Variants in NEIL3 observed in about 807,000 individuals in gnomAD.
NEIL3 encodes the protein endonuclease 8-like 3.
A neutral mutation model predicts 57.5 loss-of-function variants in NEIL3; 48 were observed. That is an observed-to-expected ratio of 0.83 (90% CI 0.66 to 1.06). The LOEUF (loss-of-function observed/expected upper bound fraction) is 1.06. NEIL3 is among the 50% of genes least tolerant of loss of function. NEIL3 has a pLI of 0.00. For missense variants in NEIL3, 717 were observed against 739.1 expected, an observed-to-expected ratio of 0.97 and a Z score of 0.35; for synonymous variants, 261 against 253.2, an observed-to-expected ratio of 1.03 and a Z score of -0.29.
Position 177,341,460 on chromosome 4 carries a change from T to A in NEIL3, c.703-16T>A. The A allele has an allele frequency of 6.0e-6, 1 of 165,598 alleles. No individual in the cohort carries two copies. The highest frequency in any genetic ancestry group is 1.3e-4 in the South Asian group (1 of 7,920). The allele number at this position is 165,598 out of a possible 1,614,324, so 10.3% of individuals were successfully genotyped here. A position where few individuals can be genotyped will look rare whatever the true frequency, so the allele number is the denominator to read the frequency against. ...TTTTGTGGATAACAGAATTTTTTGG[T>A]TTTTTTTTTTTTTAGTGCCGTAAAG... On this transcript the variant is annotated splice_polypyrimidine_tract_variant and intron_variant, in intron 5 of 9. Transcript: ENST00000264596.
chr4:177,337,356 C>G (rs1355111370), intron 4 of NEIL3, among the ~76,000 whole-genome samples: 1 of 151,902 alleles, frequency 6.6e-6, no homozygotes, highest in Non-Finnish European at 1.5e-5. Context: ...TACATAAACC[C>G]AGGTTATTTT....
intron 7 of NEIL3, 60 bp from the exon 8 acceptor site, chr4:177,353,248 C>A: frequency 1.5e-6 from 2 of 1,370,266 alleles, no homozygotes; most frequent in African/African-American, 1.5e-5. Flanking sequence ...AAAGATGTTT[C>A]ACATAATCAG....
chr4:177,335,364 T>A (rs1734953617), intron 2 of NEIL3, among the ~76,000 whole-genome samples: 1 of 152,180 alleles, frequency 6.6e-6, no homozygotes, highest in South Asian at 2.1e-4. Context: ...GACTGTTCCA[T>A]GAATAAAAGA....
chr4:177,354,473 C>G (rs1735432113), intron 8 of NEIL3, among the ~76,000 whole-genome samples: 1 of 152,102 alleles, frequency 6.6e-6, no homozygotes, highest in Non-Finnish European at 1.5e-5. Context: ...AAGGAGGGGT[C>G]TGAGGTGCCT....
At chr4:177,314,428 T>C (rs1049044050) in intron 1 of NEIL3, among the ~76,000 whole-genome samples, 4 of 152,230 alleles carry the variant, frequency 2.6e-5, no homozygotes, top group African/African-American at 4.8e-5. Context: ...TATTGTTGCA[T>C]CTTAGCTTAT....
chr4:177,342,242 T>C (rs1305303695), intron 6 of NEIL3, among the ~76,000 whole-genome samples: 1 of 152,204 alleles, frequency 6.6e-6, no homozygotes, highest in African/African-American at 2.4e-5. Flanking sequence ...CTGGAATTAG[T>C]GTCAGTTCAG....
intron 1 of NEIL3, among the ~76,000 whole-genome samples, chr4:177,314,540 C>G (rs1734537209): frequency 6.6e-6 from 1 of 152,118 alleles, no homozygotes; most frequent in Admixed American, 6.5e-5. Flanking sequence ...TCAGAGCTTT[C>G]TCACCAGACC....
At chr4:177,349,933 G>A (rs1735317145) in intron 6 of NEIL3, among the ~76,000 whole-genome samples, 1 of 152,196 alleles carries the variant, frequency 6.6e-6, no homozygotes, top group African/African-American at 2.4e-5. Flanking sequence ...GCATCATGCT[G>A]CCTTTCAAAG....
At chr4:177,323,384 C>T (rs1419246738) in intron 2 of NEIL3, among the ~76,000 whole-genome samples, 2 of 152,134 alleles carry the variant, frequency 1.3e-5, no homozygotes, top group African/African-American at 4.8e-5. Context: ...AAGACCTGTT[C>T]CTGGACCCCA....
chr4:177,340,313 T>C (rs575582355), intron 5 of NEIL3, among the ~76,000 whole-genome samples: 2 of 152,334 alleles, frequency 1.3e-5, no homozygotes, highest in Non-Finnish European at 2.9e-5. Context: ...TCTTCATCTG[T>C]AAAATGGGAT....
chr4:177,351,680 A>G, intron 7 of NEIL3, 131 bp downstream of exon 7: 1 of 751,566 alleles, frequency 1.3e-6, no homozygotes, highest in East Asian at 2.6e-5. Context: ...GTTTAAAGGA[A>G]TTGCCAGTTT....
At chr4:177,370,762 G>A in the NEIL3 span, among the ~76,000 whole-genome samples, 1 of 152,038 alleles carries the variant, frequency 6.6e-6, no homozygotes, top group Non-Finnish European at 1.5e-5. Flanking sequence ...CTAGTCTGGT[G>A]TGGTGGCGAG....
rs369696116 is a variant in NEIL3, at chr4:177,310,358, A to G, written c.156+249A>G. The stretch of plus-strand genomic sequence containing the variant: ...AAGATGCCCTAGGGGAATCCAGTGA[A>G]GGTGTTTTATCCGAGTCACCTTACT... On this transcript the variant is annotated intron_variant, in intron 1 of 9. Coordinates refer to ENST00000264596, the MANE Select transcript of NEIL3 (RefSeq NM_018248.3). Among the ~76,000 whole-genome samples the G allele has an allele frequency of 5.4e-4, 83 of 152,316 alleles. 1 individual carries two copies. The highest frequency in any genetic ancestry group is 1.8e-3 in the African/African-American group (76 of 41,588).
chr4:177,331,453 C>G (rs1734882987), intron 2 of NEIL3, among the ~76,000 whole-genome samples: 1 of 151,092 alleles, frequency 6.6e-6, no homozygotes, highest in Non-Finnish European at 1.5e-5. Context: ...ATATTAATAA[C>G]TAATATATAA....
chr4:177,367,224 A>G (rs1735703717), downstream of NEIL3, among the ~76,000 whole-genome samples: 1 of 151,824 alleles, frequency 6.6e-6, no homozygotes, highest in South Asian at 2.1e-4. Flanking sequence ...TTTTCTCATC[A>G]TACCTCGGAT....
intron 5 of NEIL3, 47 bp downstream of exon 5, chr4:177,339,904 T>C: frequency 7.3e-7 from 1 of 1,374,828 alleles, no homozygotes. Flanking sequence ...ATGTCAGTGG[T>C]TTCCTTTTGG....
intron 2 of NEIL3, among the ~76,000 whole-genome samples, chr4:177,329,692 C>T (rs1215660417): frequency 6.6e-6 from 1 of 152,078 alleles, no homozygotes; most frequent in East Asian, 1.9e-4. Context: ...GATAAAAGAC[C>T]TGAGCAACAC....
At chr4:177,367,274 C>T (rs1027804386), downstream of NEIL3, among the ~76,000 whole-genome samples, 1 of 152,110 alleles carries the variant, frequency 6.6e-6, no homozygotes, top group Non-Finnish European at 1.5e-5. Context: ...CTATTTTAAT[C>T]TTCTATCTTA....
At chr4:177,334,266 C>T (rs1439157251) in intron 2 of NEIL3, among the ~76,000 whole-genome samples, 2 of 151,754 alleles carry the variant, frequency 1.3e-5, no homozygotes, top group Non-Finnish European at 2.9e-5. Context: ...AATAAACCCA[C>T]GAGATGTGTT....
Sources: gnomAD v4.1 joint callset for allele counts (sites outside exome capture counted in the v4.1 genomes callset) on GRCh38, gnomAD v4.1.1 for gene constraint, MANE v1.5 for transcripts, NCBI Gene and HGNC (gene_info 2026-07-23, HGNC 2026-07-21) for gene names.